TRIM35: variants seen among roughly 807,000 people sequenced by gnomAD.
The protein encoded by TRIM35 is E3 ubiquitin-protein ligase TRIM35.
Under a neutral mutation model 49.1 loss-of-function variants are expected in TRIM35, and 37 were observed. That is an observed-to-expected ratio of 0.75 (90% CI 0.58 to 0.99). TRIM35 has a LOEUF of 0.99. Among genes scored for constraint, TRIM35 ranks in the 50% least tolerant of loss-of-function variants. The probability of loss-of-function intolerance (pLI) is 0.00; values close to 1 mark genes in which losing one functional copy is unlikely to be tolerated. For missense variants in TRIM35, 648 were observed against 702.7 expected, an observed-to-expected ratio of 0.92 and a Z score of 0.88; for synonymous variants, 302 against 289.3, an observed-to-expected ratio of 1.04 and a Z score of -0.45.
intron 1 of TRIM35, among the ~76,000 whole-genome samples, chr8:27,303,928 A>C (rs1563444238): frequency 6.6e-6 from 1 of 152,200 alleles, no homozygotes; most frequent in Non-Finnish European, 1.5e-5. Flanking sequence ...TCCTGATCTC[A>C]GGTGATCCGC....
In TRIM35 at chr8:27,306,058, G is replaced by A. The variant is rs138105229; in HGVS notation, c.435+4743C>T. ...ACTACTGGCCTCAAGCAATCCTCCT[G>A]CCTCAGCCTCCCCAAGCACTGGGAT... On this transcript the variant is annotated intron_variant, in intron 1 of 5. Coordinates refer to ENST00000305364, the MANE Select transcript of TRIM35 (RefSeq NM_171982.5). 2.4e-3 allele frequency among the ~76,000 whole-genome samples: 369 copies of A among 152,142 alleles called. 1 individual carries two copies. The highest frequency in any genetic ancestry group is 6.8e-3 in the Middle Eastern group (2 of 294).
At position 27,310,893 on chromosome 8, in the gene TRIM35, C is replaced by T. The variant is rs1246958810; in HGVS notation, c.343G>A (p.Asp115Asn). The stretch of plus-strand genomic sequence containing the variant: ...CAGGAGCAGCACAGCAGCTCCTTGT[C>T]CTCGAGGCAGAAGAGGCTGAGCTGT... ...RGQLSLFCLE[D>N]KELLCCSCQA... Residue 115 changes from aspartate (D) to asparagine (N), a missense_variant, in exon 1 of 6, where the codon GAC (aspartate) becomes AAC (asparagine). By Grantham distance (23) the Asp-to-Asn change is conservative. Coordinates refer to ENST00000305364, the MANE Select transcript of TRIM35 (RefSeq NM_171982.5). 1 of 1,612,976 alleles carries T rather than the reference C, an allele frequency of 6.2e-7. No homozygotes were observed. Among genetic ancestry groups the T allele is most frequent in the Non-Finnish European group, 8.5e-7 (1 of 1,179,860 alleles).
Position 27,298,478 on chromosome 8 carries a change from C to T in TRIM35, c.517G>A (p.Ala173Thr), listed in dbSNP as rs774997405. 6.8e-6 allele frequency: 11 copies of T among 1,614,182 alleles called. No individual in the cohort carries two copies. The highest frequency in any genetic ancestry group is 2.7e-5 in the African/African-American group (2 of 75,064). ...CGTTCGCTCACCTGATTGTGCTTGG[C>T]GATGGCCTCATAGGAGCGCCGCATG... Reference protein sequence around the residue: ...WAMRRSYEAIAKHNQVEAAWL... With the variant: ...WAMRRSYEAITKHNQVEAAWL... The change falls in exon 2 of 6, where the codon GCC becomes ACC. Residue 173 changes from alanine (A) to threonine (T), a missense_variant. By Grantham distance (58) the Ala-to-Thr change is moderately conservative. Transcript: ENST00000305364.
In TRIM35 at chr8:27,285,870, C is replaced by G. The variant is rs772641088; in HGVS notation, c.*1680G>C. 1.1e-5 allele frequency: 3 copies of G among 278,714 alleles called. No homozygotes were observed. Among genetic ancestry groups the G allele is most frequent in the Non-Finnish European group, 2.1e-5 (3 of 139,808 alleles). The allele number at this position is 278,714 out of a possible 1,614,324, so 17.3% of individuals were successfully genotyped here. On this transcript the variant is annotated 3_prime_UTR_variant, in exon 6 of 6. Coordinates refer to ENST00000305364, the MANE Select transcript of TRIM35 (RefSeq NM_171982.5). ...CAAAGGGCTTGGAGCTTTTGTGAGG[C>G]TGAGCATCTTCCAACCAGGTGCATG...
Position 27,294,126 on chromosome 8 carries a change from T to C in TRIM35, c.716A>G (p.Glu239Gly). The C allele has an allele frequency of 1.2e-6, 2 of 1,614,220 alleles. No homozygotes were observed. Among genetic ancestry groups the C allele is most frequent in the Non-Finnish European group, 8.5e-7 (1 of 1,180,042 alleles). The change falls in exon 3 of 6, where the codon GAG becomes GGG. Residue 239 changes from glutamate (E) to glycine (G), a missense_variant. Transcript: ENST00000305364. ...EETEVLAHEI[E>G]RLQMEMKEDD... ...CTCCTTCATCTCCATCTGCAGCCGC[T>C]CGATCTCATGTGCCAGCACCTCCGT...
rs1248435349 is a variant in TRIM35, at chr8:27,311,130, A to G, written c.106T>C (p.Cys36Arg). The part of the protein sequence containing the change: ...DPFRDAVTLR[C>R]GHNFCRGCVS... ...CACCCGCGGCAGAAGTTGTGGCCGC[A>G]GCGCAGAGTGACTGCGTCGCGGAAG... is the stretch of plus-strand genomic sequence containing the variant. Residue 36 changes from cysteine to arginine, a missense_variant, in exon 1 of 6, where the codon TGC becomes CGC. Physicochemically the swap from Cys to Arg is radical, Grantham distance 180. Coordinates refer to ENST00000305364, the MANE Select transcript of TRIM35 (RefSeq NM_171982.5). 3 of 1,602,514 alleles carry G rather than the reference A, an allele frequency of 1.9e-6. No individual in the cohort carries two copies. Among genetic ancestry groups the G allele is most frequent in the Middle Eastern group, 1.7e-4 (1 of 6,040 alleles).
chr8:27,303,563 A>G (rs1459543055), intron 1 of TRIM35, among the ~76,000 whole-genome samples: 1 of 152,254 alleles, frequency 6.6e-6, no homozygotes, highest in Non-Finnish European at 1.5e-5. Context: ...GAGCACATGA[A>G]TGAGCAGAGA....
At chr8:27,297,619 A>G (rs1223101409) in intron 2 of TRIM35, among the ~76,000 whole-genome samples, 2 of 152,266 alleles carry the variant, frequency 1.3e-5, no homozygotes, top group African/African-American at 2.4e-5. Flanking sequence ...AATAGAAAAC[A>G]AAAGGTAATT....
In TRIM35 at chr8:27,286,483, T is replaced by C; in HGVS notation, c.*1067A>G. The stretch of plus-strand genomic sequence containing the variant: ...ATGAGAATTAACCAGAGGAACTTCC[T>C]CCACAGCAACTATAACAGGACATCC... On this transcript the variant is annotated 3_prime_UTR_variant, in exon 6 of 6. Transcript: ENST00000305364. 4.2e-6 allele frequency: 1 copy of C among 239,926 alleles called. No homozygotes were observed. The allele number at this position is 239,926 out of a possible 1,614,324, so 14.9% of individuals were successfully genotyped here.
In TRIM35 at chr8:27,309,437, A is replaced by G. The variant is rs540482997; in HGVS notation, c.435+1364T>C. ...ACATGCGTACTGACAGCATCCTTAC[A>G]TTCCCCTTCAATTAAACTTTGTCAA... On this transcript the variant is annotated intron_variant, in intron 1 of 5. Coordinates refer to ENST00000305364, the MANE Select transcript of TRIM35 (RefSeq NM_171982.5). Among the ~76,000 whole-genome samples, 53 of 152,280 alleles carry G rather than the reference A, an allele frequency of 3.5e-4. No homozygotes were observed. The South Asian group carries it at 0.011, about 32-fold the overall frequency.
intron 2 of TRIM35, among the ~76,000 whole-genome samples, chr8:27,296,718 C>G (rs1802575539): frequency 6.6e-6 from 1 of 152,216 alleles, no homozygotes; most frequent in African/African-American, 2.4e-5. Flanking sequence ...AATGATAAAG[C>G]TACATGACTC....
intron 2 of TRIM35, among the ~76,000 whole-genome samples, chr8:27,294,914 T>G (rs1357177835): frequency 6.6e-6 from 1 of 152,036 alleles, no homozygotes; most frequent in Non-Finnish European, 1.5e-5. Flanking sequence ...CTCTGCCTCC[T>G]GGGTTCAAGC....
intron 1 of TRIM35, among the ~76,000 whole-genome samples, chr8:27,305,594 C>A (rs1389438583): frequency 1.3e-5 from 2 of 152,138 alleles, no homozygotes; most frequent in African/African-American, 4.8e-5. Flanking sequence ...TAAGAGGTAT[C>A]GAGAGTACCC....
At chr8:27,308,590 C>T (rs1802835550) in intron 1 of TRIM35, among the ~76,000 whole-genome samples, 1 of 152,198 alleles carries the variant, frequency 6.6e-6, no homozygotes, top group Non-Finnish European at 1.5e-5. Flanking sequence ...AGAACTACAT[C>T]TTGTCTATTG....
intron 1 of TRIM35, chr8:27,304,719 T>C (rs1255497949): frequency 2.4e-6 from 1 of 410,944 alleles, no homozygotes; most frequent in Non-Finnish European, 4.8e-6. Context: ...ACCTGCCCAG[T>C]CAATGAGTAC....
chr8:27,308,266 C>T (rs774386814), intron 1 of TRIM35, among the ~76,000 whole-genome samples: 2 of 152,228 alleles, frequency 1.3e-5, no homozygotes, highest in South Asian at 2.1e-4. Context: ...CCTGAAAATA[C>T]GTTTTTGTGA....
rs1802620208 is a variant in TRIM35 at position 27,298,577 on chromosome 8, G to C, written c.436-18C>G. On this transcript the variant is annotated intron_variant, in intron 1 of 5. Transcript: ENST00000305364. The stretch of plus-strand genomic sequence containing the variant: ...CACTTGGCCTGACATGGGAATGAGA[G>C]AGAGGGAGGAAGACAGGTTAGGGCT... The C allele has an allele frequency of 6.2e-7, 1 of 1,610,110 alleles. No individual in the cohort carries two copies.
intron 4 of TRIM35, among the ~76,000 whole-genome samples, chr8:27,289,814 T>A (rs955796451): frequency 3.9e-5 from 6 of 152,096 alleles, no homozygotes; most frequent in Non-Finnish European, 7.3e-5. Context: ...GGCCTAAGGC[T>A]CTCAGAGGGA....
At chr8:27,306,395 G>A (rs797005166) in intron 1 of TRIM35, among the ~76,000 whole-genome samples, 2 of 147,278 alleles carry the variant, frequency 1.4e-5, no homozygotes, top group African/African-American at 5.0e-5. Context: ...GCACGATCTC[G>A]GCTCACTGCA....
Sources: gnomAD v4.1 joint callset for allele counts (sites outside exome capture counted in the v4.1 genomes callset) on GRCh38, gnomAD v4.1.1 for gene constraint, MANE v1.5 for transcripts, NCBI Gene and HGNC (gene_info 2026-07-23, HGNC 2026-07-21) for gene names.